Variants in ASAP1 observed in about 807,000 individuals in gnomAD.
The protein encoded by ASAP1 is arf-GAP with SH3 domain, ANK repeat and PH domain-containing protein 1.
Under a neutral mutation model 145.2 loss-of-function variants are expected in ASAP1, and 43 were observed. The observed-to-expected ratio is 0.30, with a 90% CI of 0.23 to 0.38. ASAP1 has a LOEUF of 0.38. Ranked by LOEUF, ASAP1 falls within the 10% of genes least tolerant of loss-of-function variation. ASAP1 has a pLI of 1.00. For missense variants in ASAP1, 1,018 were observed against 1,355.3 expected (o/e 0.75, Z 3.91); for synonymous variants, 546 against 515.5 (o/e 1.06, Z -0.80).
chr8:130,126,585 T>C (rs1234861595), intron 16 of ASAP1, among the ~76,000 whole-genome samples: 1 of 152,176 alleles, frequency 6.6e-6, no homozygotes, highest in Non-Finnish European at 1.5e-5. Flanking sequence ...CCTAAGGCCT[T>C]TTTTCTACAA....
chr8:130,169,465 T>A (rs1003472715), intron 9 of ASAP1, among the ~76,000 whole-genome samples: 1 of 152,236 alleles, frequency 6.6e-6, no homozygotes, highest in Non-Finnish European at 1.5e-5. Flanking sequence ...ATCATGAGGT[T>A]GATCTGGACA....
intron 1 of ASAP1, among the ~76,000 whole-genome samples, chr8:130,435,111 G>A (rs79770926): frequency 1.4e-3 from 220 of 152,232 alleles, no homozygotes; most frequent in African/African-American, 5.1e-3. Flanking sequence ...TCATTATCGC[G>A]CTGTAACCTG....
intron 1 of ASAP1, among the ~76,000 whole-genome samples, chr8:130,430,316 T>G (rs1009331868): frequency 6.6e-6 from 1 of 152,140 alleles, no homozygotes; most frequent in African/African-American, 2.4e-5. Context: ...AAAACCTGTG[T>G]GTTTGTACGT....
intron 3 of ASAP1, among the ~76,000 whole-genome samples, chr8:130,238,886 G>T (rs1366447479): frequency 6.6e-6 from 1 of 152,094 alleles, no homozygotes; most frequent in Non-Finnish European, 1.5e-5. Context: ...TTTCCAGACT[G>T]CAAGTCTAAC....
At chr8:130,282,591 C>T (rs539169008) in intron 3 of ASAP1, among the ~76,000 whole-genome samples, 4 of 152,084 alleles carry the variant, frequency 2.6e-5, no homozygotes, top group Non-Finnish European at 4.4e-5. Flanking sequence ...AACTGAAAGG[C>T]CTTTCAGCTC....
At chr8:130,100,834 T>C (rs908279468) in intron 24 of ASAP1, among the ~76,000 whole-genome samples, 1 of 152,244 alleles carries the variant, frequency 6.6e-6, no homozygotes, top group African/African-American at 2.4e-5. Flanking sequence ...AGAAGCTTTT[T>C]AGTTTGATAT....
chr8:130,419,238 G>A (rs906346913), intron 1 of ASAP1, among the ~76,000 whole-genome samples: 19 of 152,192 alleles, frequency 1.2e-4, no homozygotes, highest in Admixed American at 4.6e-4. Flanking sequence ...TTTCAACTGG[G>A]ATCTCCCTTC....
At chr8:130,071,966 T>C (rs767450052) in intron 27 of ASAP1, among the ~76,000 whole-genome samples, 4 of 152,234 alleles carry the variant, frequency 2.6e-5, no homozygotes, top group Non-Finnish European at 5.9e-5. Context: ...CATCTGTTAT[T>C]ATGTTAGGTG....
At chr8:130,326,866 C>A (rs1378429576) in intron 3 of ASAP1, among the ~76,000 whole-genome samples, 1 of 152,140 alleles carries the variant, frequency 6.6e-6, no homozygotes, top group African/African-American at 2.4e-5. Flanking sequence ...CAATCAGTGG[C>A]CTATTTCTTC....
chr8:130,417,325 T>C (rs532867627), intron 1 of ASAP1, among the ~76,000 whole-genome samples: 2 of 152,356 alleles, frequency 1.3e-5, no homozygotes, highest in Non-Finnish European at 2.9e-5. Flanking sequence ...GCAGCAGGGC[T>C]GTTCCCTGTG....
chr8:130,101,684 C>T (rs2097528986), intron 24 of ASAP1, among the ~76,000 whole-genome samples: 1 of 150,034 alleles, frequency 6.7e-6, no homozygotes, highest in South Asian at 2.1e-4. Context: ...TTCACCTCAG[C>T]CTCCCTACTA....
intron 25 of ASAP1, 111 bp from the exon 26 acceptor site, chr8:130,080,082 A>G (rs938365766): frequency 2.1e-6 from 2 of 966,994 alleles, no homozygotes; most frequent in Non-Finnish European, 3.3e-6. Context: ...AACGGCATTT[A>G]AAAGACCCAA....
intron 9 of ASAP1, among the ~76,000 whole-genome samples, chr8:130,178,966 A>G (rs1380969397): frequency 6.6e-6 from 1 of 152,104 alleles, no homozygotes; most frequent in Non-Finnish European, 1.5e-5. Flanking sequence ...CTTCAGTGAC[A>G]GGGGATCATG....
At chr8:130,217,614 C>A (rs1288825517) in intron 4 of ASAP1, among the ~76,000 whole-genome samples, 1 of 151,868 alleles carries the variant, frequency 6.6e-6, no homozygotes, top group Non-Finnish European at 1.5e-5. Context: ...TGGTTCACTT[C>A]TGCATCCCTA....
intron 11 of ASAP1, among the ~76,000 whole-genome samples, chr8:130,164,125 C>G (rs2097675245): frequency 6.6e-6 from 1 of 152,132 alleles, no homozygotes. Context: ...TGGGACCAGG[C>G]TACAGGACAG....
intron 18 of ASAP1, among the ~76,000 whole-genome samples, chr8:130,120,774 A>G (rs78967757): frequency 0.02 from 3,101 of 152,296 alleles, 49 homozygotes; most frequent in East Asian, 0.065. Flanking sequence ...GGCCATAGGA[A>G]GTATCTGGCC....
chr8:130,108,005 C>T (rs2135551969), intron 24 of ASAP1, among the ~76,000 whole-genome samples: 1 of 152,310 alleles, frequency 6.6e-6, no homozygotes, highest in East Asian at 1.9e-4. Context: ...CAAACTACTG[C>T]ATATACTTTG....
intron 1 of ASAP1, among the ~76,000 whole-genome samples, chr8:130,423,231 A>G (rs964692870): frequency 2.0e-5 from 3 of 152,190 alleles, no homozygotes; most frequent in African/African-American, 7.2e-5. Context: ...AGCCACCTGC[A>G]TAGCTGGGAA....
chr8:130,316,314 T>C lies in ASAP1; in HGVS notation c.186+41703A>G, dbSNP rs547979551. 5.3e-5 allele frequency among the ~76,000 whole-genome samples: 8 copies of C among 152,326 alleles called. No individual in the cohort carries two copies. The South Asian group carries it at 1.4e-3, about 28-fold the overall frequency. ...ACTCTCAGCAGTTTTGGTATCCATA[T>C]TGGTAAACATCAACTTCTCCACCTC... is the stretch of plus-strand genomic sequence containing the variant. On this transcript the variant is annotated intron_variant, in intron 3 of 29. Coordinates refer to ENST00000518721, the MANE Select transcript of ASAP1 (RefSeq NM_018482.4).
Sources: gnomAD v4.1 joint callset for allele counts (sites outside exome capture counted in the v4.1 genomes callset) on GRCh38, gnomAD v4.1.1 for gene constraint, MANE v1.5 for transcripts, NCBI Gene and HGNC (gene_info 2026-07-23, HGNC 2026-07-21) for gene names.